PPL: variants seen among roughly 807,000 people sequenced by gnomAD.
The protein encoded by PPL is 190 kDa paraneoplastic pemphigus antigen.
A neutral mutation model predicts 194.4 loss-of-function variants in PPL; 198 were observed. That is an observed-to-expected ratio of 1.02 (90% CI 0.91 to 1.15). The LOEUF is 1.15. Ranked by LOEUF, PPL falls within the 50% of genes most tolerant of loss-of-function variation. The probability of loss-of-function intolerance (pLI) is 0.00; values close to 1 mark genes in which losing one functional copy is unlikely to be tolerated. For synonymous variants in PPL, 1,220 were observed against 972.4 expected, an observed-to-expected ratio of 1.25 and a Z score of -4.74; for missense variants, 2,885 against 2,294.8, an observed-to-expected ratio of 1.26 and a Z score of -5.25.
intron 2 of PPL, among the ~76,000 whole-genome samples, chr16:4,904,342 G>A (rs1017639713): frequency 2.0e-5 from 3 of 152,216 alleles, no homozygotes; most frequent in Admixed American, 6.5e-5. Context: ...ACACAGCTGT[G>A]AACAGAAGAG....
At chr16:4,908,151 G>C (rs78266837) in intron 2 of PPL, among the ~76,000 whole-genome samples, 58 of 116,592 alleles carry the variant, frequency 5.0e-4, no homozygotes, top group African/African-American at 1.9e-3. Flanking sequence ...AACAGAGTGA[G>C]AGACTGTCTC....
intron 1 of PPL, among the ~76,000 whole-genome samples, chr16:4,930,600 C>T (rs2089214236): frequency 6.6e-6 from 1 of 152,198 alleles, no homozygotes; most frequent in African/African-American, 2.4e-5. Flanking sequence ...CACACAGCCA[C>T]ATGTGGCTAC....
At chr16:4,912,542 T>C (rs186929672) in intron 1 of PPL, among the ~76,000 whole-genome samples, 24 of 152,390 alleles carry the variant, frequency 1.6e-4, no homozygotes, top group Middle Eastern at 6.8e-3. Context: ...GTGAGCAGTC[T>C]TATTTTTAAT....
chr16:4,918,618 T>C lies in PPL; in HGVS notation c.63-7669A>G, dbSNP rs572859815. ...ATTCACTCAGTTACAGATGGGGAAA[T>C]TGAGGTACAAAGAAATTCCATCATT... On this transcript the variant is annotated intron_variant, in intron 1 of 21. Transcript: ENST00000345988. Among the ~76,000 whole-genome samples, 6 of 152,258 alleles carry C rather than the reference T, an allele frequency of 3.9e-5. No individual in the cohort carries two copies. In the East Asian group the frequency reaches 9.7e-4, roughly 25 times the overall value.
chr16:4,894,734 C>CCCT (rs1381944081), intron 11 of PPL, 116 bp from the exon 12 acceptor site: 1 of 1,243,182 alleles, frequency 8.0e-7, no homozygotes, highest in African/African-American at 1.5e-5. Context: ...ATCACTTGGA[C>CCCT]CCTCCCCGTA....
intron 1 of PPL, among the ~76,000 whole-genome samples, chr16:4,926,332 G>C (rs1234649819): frequency 6.6e-6 from 1 of 152,102 alleles, no homozygotes; most frequent in Non-Finnish European, 1.5e-5. Context: ...CCAACTCTTT[G>C]TCATCTCTCT....
rs768545905 is a variant in PPL, at chr16:4,883,491, C to T, written c.5164G>A (p.Glu1722Lys). The change falls in exon 22 of 22, where the codon GAA becomes AAA. Residue 1722 changes from glutamate (E) to lysine (K), a missense_variant. Coordinates refer to ENST00000345988, the MANE Select transcript of PPL (RefSeq NM_002705.5). The surrounding 1 kb of genome is among the most constrained non-coding windows in gnomAD (Gnocchi z 4.8). ...DRKSGKKFSI[E>K]EALQSGRLTP... ...AGCCTGCCACTCTGCAGGGCCTCTT[C>T]GATGGAGAACTTCTTGCCAGACTTC... 4.2e-5 allele frequency: 67 copies of T among 1,614,076 alleles called. No individual in the cohort carries two copies. Among genetic ancestry groups the T allele is most frequent in the Admixed American group, 6.7e-5 (4 of 60,008 alleles).
intron 6 of PPL, 32 bp from the exon 7 acceptor site, chr16:4,899,416 TC>T: frequency 6.5e-7 from 1 of 1,539,194 alleles, no homozygotes; most frequent in South Asian, 1.2e-5. Flanking sequence ...AAGGGCTGCG[TC>T]CTCAGCCCGC....
At chr16:4,925,125 C>T (rs916940040) in intron 1 of PPL, among the ~76,000 whole-genome samples, 7 of 152,142 alleles carry the variant, frequency 4.6e-5, no homozygotes, top group African/African-American at 1.7e-4. Context: ...ATGTCTGGAA[C>T]GCACAGGAGG....
In PPL at chr16:4,889,069, A is replaced by G; in HGVS notation, c.2314-8T>C. The G allele has an allele frequency of 6.2e-7, 1 of 1,612,758 alleles. No homozygotes were observed. Among genetic ancestry groups the G allele is most frequent in the Non-Finnish European group, 8.5e-7 (1 of 1,179,308 alleles). On this transcript the variant is annotated splice_polypyrimidine_tract_variant and splice_region_variant and intron_variant, in intron 18 of 21. Transcript: ENST00000345988. ...TATCTCATCTAGCAGGTTCTGTAAGACAGAGTTTAAAAATCAAAACTAACC... is the reference window on the plus strand; with the variant it reads ...TATCTCATCTAGCAGGTTCTGTAAGGCAGAGTTTAAAAATCAAAACTAACC...
chr16:4,912,907 C>T lies in PPL; in HGVS notation c.63-1958G>A, dbSNP rs749977938. 1.6e-4 allele frequency among the ~76,000 whole-genome samples: 25 copies of T among 152,160 alleles called. 1 individual carries two copies. Among genetic ancestry groups the T allele is most frequent in the African/African-American group, 4.6e-4 (19 of 41,432 alleles). ...TCACCTGAGATCAGGAGTTTGAGAC[C>T]AGCCTGGCCAACATGGTGAAACCCC... On this transcript the variant is annotated intron_variant, in intron 1 of 21. Coordinates refer to ENST00000345988, the MANE Select transcript of PPL (RefSeq NM_002705.5).
At chr16:4,919,754 C>A (rs1416294371) in intron 1 of PPL, among the ~76,000 whole-genome samples, 1 of 151,906 alleles carries the variant, frequency 6.6e-6, no homozygotes, top group Admixed American at 6.6e-5. Context: ...AATAGGAAGA[C>A]CTTGTCTCTA....
intron 2 of PPL, among the ~76,000 whole-genome samples, chr16:4,905,836 G>C (rs2088670654): frequency 6.6e-6 from 1 of 152,204 alleles, no homozygotes; most frequent in Non-Finnish European, 1.5e-5. Flanking sequence ...CAGGCACAGT[G>C]GCTCATATCT....
chr16:4,930,497 G>T (rs1305840384), intron 1 of PPL, among the ~76,000 whole-genome samples: 1 of 152,184 alleles, frequency 6.6e-6, no homozygotes, highest in Non-Finnish European at 1.5e-5. Context: ...AAATGCTGAG[G>T]GAAGGGGAGA....
At chr16:4,909,392 C>G (rs963701916) in intron 2 of PPL, among the ~76,000 whole-genome samples, 4 of 151,352 alleles carry the variant, frequency 2.6e-5, no homozygotes, top group Admixed American at 1.3e-4. Context: ...CCTGACCTCC[C>G]CACCCTCAGC....
intron 1 of PPL, among the ~76,000 whole-genome samples, chr16:4,917,757 C>T (rs1227773400): frequency 2.0e-5 from 3 of 151,930 alleles, no homozygotes; most frequent in Non-Finnish European, 4.4e-5. Context: ...AAAAAATTAG[C>T]TGGGCATGGT....
chr16:4,913,017 C>T (rs2088850366), intron 1 of PPL, among the ~76,000 whole-genome samples: 1 of 151,900 alleles, frequency 6.6e-6, no homozygotes, highest in Admixed American at 6.6e-5. Context: ...GGCAGGAGAA[C>T]TGCTTGAACC....
intron 2 of PPL, 81 bp from the exon 3 acceptor site, chr16:4,904,121 G>T: frequency 7.0e-7 from 1 of 1,420,642 alleles, no homozygotes; most frequent in Non-Finnish European, 9.6e-7. Flanking sequence ...GGAGGAAAGG[G>T]GTCAGCAGGG....
Position 4,902,638 on chromosome 16 carries a change from T to A in PPL, c.318-112A>T. 7.8e-7 allele frequency: 1 copy of A among 1,274,320 alleles called. No homozygotes were observed. The highest frequency in any genetic ancestry group is 1.1e-6 in the Non-Finnish European group (1 of 931,112). The allele number at this position is 1,274,320 out of a possible 1,614,324, so 78.9% of individuals were successfully genotyped here. A position where few individuals can be genotyped will look rare whatever the true frequency, so the allele number is the denominator to read the frequency against. ...GTGTCCTGGAAGGACACAGTGACCA[T>A]ATGGCCTTGGGTTCCAGACAATCAC... On this transcript the variant is annotated intron_variant, in intron 3 of 21. Coordinates refer to ENST00000345988, the MANE Select transcript of PPL (RefSeq NM_002705.5). This position sits in a 1 kb window ranked among gnomAD's most constrained non-coding sequence, Gnocchi z 4.0.
Sources: gnomAD v4.1 joint callset for allele counts (sites outside exome capture counted in the v4.1 genomes callset) on GRCh38, gnomAD v4.1.1 for gene constraint, Gnocchi (gnomAD v3.1) non-coding constraint, MANE v1.5 for transcripts, NCBI Gene and HGNC (gene_info 2026-07-23, HGNC 2026-07-21) for gene names.